The following CMTM4 variants were observed in gnomAD, a reference collection of about 807,000 sequenced individuals.
The protein encoded by CMTM4 is CKLF-like MARVEL transmembrane domain-containing protein 4.
A neutral mutation model predicts 19.0 loss-of-function variants in CMTM4; 8 were observed. The observed-to-expected ratio is 0.42, with a 90% CI of 0.25 to 0.76. CMTM4 has a LOEUF of 0.76. Ranked by LOEUF, CMTM4 falls within the 30% of genes least tolerant of loss-of-function variation. CMTM4 has a pLI of 0.27. For missense variants in CMTM4, 228 were observed against 290.2 expected, an observed-to-expected ratio of 0.79 and a Z score of 1.56; for synonymous variants, 106 against 121.1, an observed-to-expected ratio of 0.88 and a Z score of 0.82.
At chr16:66,683,127 G>A (rs1240122349) in intron 1 of CMTM4, among the ~76,000 whole-genome samples, 14 of 128,254 alleles carry the variant, frequency 1.1e-4, no homozygotes, top group South Asian at 1.0e-3. Flanking sequence ...GTGTGTGTGT[G>A]TGTATATATA....
chr16:66,635,220 C>G (rs1442738053), intron 2 of CMTM4, among the ~76,000 whole-genome samples: 1 of 152,198 alleles, frequency 6.6e-6, no homozygotes, highest in African/African-American at 2.4e-5. Context: ...GTCACAAAAA[C>G]TCAGACAAAA....
At chr16:66,653,065 C>A (rs550148082) in intron 1 of CMTM4, among the ~76,000 whole-genome samples, 3 of 152,294 alleles carry the variant, frequency 2.0e-5, no homozygotes, top group Non-Finnish European at 4.4e-5. Flanking sequence ...ATGGTCCTAG[C>A]TTCATAGATG....
At position 66,619,362 on chromosome 16, in the gene CMTM4, C is replaced by T. The variant is rs1411332297; in HGVS notation, c.*2696G>A. ...CAGCTGTACAGTGTCCAGGAAAAAA[C>T]CCAAATGCACACAGCAACTGCAGTT... On this transcript the variant is annotated 3_prime_UTR_variant, in exon 4 of 4. Coordinates refer to ENST00000394106, the MANE Select transcript of CMTM4 (RefSeq NM_181521.3). The T allele has an allele frequency of 1.0e-6, 1 of 985,266 alleles. No individual in the cohort carries two copies. The highest frequency in any genetic ancestry group is 1.2e-6 in the Non-Finnish European group (1 of 829,930). 61.0% of individuals were successfully genotyped at this position (985,266 alleles called of 1,614,324 possible).
At chr16:66,640,618 G>C (rs1047818868) in intron 1 of CMTM4, among the ~76,000 whole-genome samples, 3 of 152,222 alleles carry the variant, frequency 2.0e-5, no homozygotes, top group African/African-American at 7.2e-5. Context: ...GCGGAGAACA[G>C]ACTACAGTGA....
Position 66,621,975 on chromosome 16 carries a change from T to C in CMTM4, c.*83A>G. On this transcript the variant is annotated 3_prime_UTR_variant, in exon 4 of 4. Coordinates refer to ENST00000394106, the MANE Select transcript of CMTM4 (RefSeq NM_181521.3). ...GAGGACAAAATTCAACTGAATCACA[T>C]GGAAATCTGACAGGACAAGGGAAAG... 1.3e-6 allele frequency: 2 copies of C among 1,483,730 alleles called. No homozygotes were observed. Among genetic ancestry groups the C allele is most frequent in the Non-Finnish European group, 9.0e-7 (1 of 1,111,388 alleles). The allele number at this position is 1,483,730 out of a possible 1,614,324, so 91.9% of individuals were successfully genotyped here.
At chr16:66,649,287 T>C (rs2016265196) in intron 1 of CMTM4, among the ~76,000 whole-genome samples, 2 of 152,182 alleles carry the variant, frequency 1.3e-5, no homozygotes, top group Admixed American at 6.5e-5. Context: ...TCCATTTTTT[T>C]TTTAAAGTAG....
intron 1 of CMTM4, among the ~76,000 whole-genome samples, chr16:66,682,127 T>C (rs1160173342): frequency 2.0e-5 from 3 of 152,184 alleles, no homozygotes; most frequent in Non-Finnish European, 4.4e-5. Flanking sequence ...GAGATTTTTG[T>C]CTTATTTCTA....
chr16:66,654,941 C>T (rs1802488101), intron 1 of CMTM4, among the ~76,000 whole-genome samples: 1 of 152,224 alleles, frequency 6.6e-6, no homozygotes, highest in South Asian at 2.1e-4. Context: ...AGCTCCAGTC[C>T]AGTAAAGAAA....
At chr16:66,609,463 T>C in the CMTM4 span, 1 of 1,612,974 alleles carries the variant, frequency 6.2e-7, no homozygotes, top group Non-Finnish European at 8.5e-7. This position sits in a 1 kb window ranked among gnomAD's most constrained non-coding sequence, Gnocchi z 4.4. Flanking sequence ...ACCGCGGCCC[T>C]CATCTACTTT....
At chr16:66,631,303 G>A (rs1288646141) in intron 2 of CMTM4, among the ~76,000 whole-genome samples, 3 of 150,676 alleles carry the variant, frequency 2.0e-5, no homozygotes, top group Non-Finnish European at 4.4e-5. Context: ...GGTCCGGGAG[G>A]GAGGTGGGGG....
chr16:66,618,034 C>T lies in CMTM4; in HGVS notation c.*4024G>A, dbSNP rs144747538. On this transcript the variant is annotated 3_prime_UTR_variant, in exon 4 of 4. Transcript: ENST00000394106. ...TCCTCCCTTATCTCCCAGACCTGGC[C>T]GTGTGTGGACCTCACCAGCCTACCA... 284 of 985,566 alleles carry T rather than the reference C, an allele frequency of 2.9e-4. No homozygotes were observed. Among genetic ancestry groups the T allele is most frequent in the African/African-American group, 2.9e-3 (164 of 57,338 alleles). The allele number at this position is 985,566 out of a possible 1,614,324, so 61.1% of individuals were successfully genotyped here. A position where few individuals can be genotyped will look rare whatever the true frequency, so the allele number is the denominator to read the frequency against.
chr16:66,606,474 G>A, the CMTM4 span, among the ~76,000 whole-genome samples: 4 of 152,106 alleles, frequency 2.6e-5, no homozygotes, highest in Admixed American at 6.5e-5. Context: ...CTGCACCCAA[G>A]GCCATGTGCA....
intron 1 of CMTM4, among the ~76,000 whole-genome samples, chr16:66,648,784 C>T (rs2016254340): frequency 6.6e-6 from 1 of 152,058 alleles, no homozygotes; most frequent in Non-Finnish European, 1.5e-5. Context: ...CCAGCCTGGC[C>T]AACATGGTGA....
rs1002061968 is a variant in CMTM4 at position 66,675,087 on chromosome 16, A to AT, written c.186+21252dup. ...TTTACTTAAAAAAATTTTTTTTTTA[A>AT]TTTTTTTTTTTGAGACAGAGTCTCA... On this transcript the variant is annotated intron_variant, in intron 1 of 3. Coordinates refer to ENST00000394106, the MANE Select transcript of CMTM4 (RefSeq NM_181521.3). Among the ~76,000 whole-genome samples the AT allele has an allele frequency of 3.9e-3, 536 of 137,450 alleles. 1 individual carries two copies. Among genetic ancestry groups the AT allele is most frequent in the African/African-American group, 0.011 (413 of 37,096 alleles). The allele number at this position is 137,450 out of a possible 152,430, so 90.2% of individuals were successfully genotyped here.
At chr16:66,637,620 T>TA (rs1235127366) in intron 1 of CMTM4, among the ~76,000 whole-genome samples, 1 of 152,196 alleles carries the variant, frequency 6.6e-6, no homozygotes, top group African/African-American at 2.4e-5. Flanking sequence ...TCATAGATCA[T>TA]AAAATCAAAT....
chr16:66,677,805 G>T (rs2016835006), intron 1 of CMTM4, among the ~76,000 whole-genome samples: 1 of 151,992 alleles, frequency 6.6e-6, no homozygotes, highest in African/African-American at 2.4e-5. Flanking sequence ...GGGTTCAAGT[G>T]ATTCTCCTGT....
At position 66,620,220 on chromosome 16, in the gene CMTM4, A is replaced by C; in HGVS notation, c.*1838T>G. 1.0e-6 allele frequency: 1 copy of C among 985,484 alleles called. No homozygotes were observed. Among genetic ancestry groups the C allele is most frequent in the Non-Finnish European group, 1.2e-6 (1 of 829,950 alleles). 61.0% of individuals were successfully genotyped at this position (985,484 alleles called of 1,614,324 possible). On this transcript the variant is annotated 3_prime_UTR_variant, in exon 4 of 4. Transcript: ENST00000394106. ...TGAGCCTTTGTGGCCCTATTTTAAA[A>C]GGAACTCTCAAAGAGAGATAAGCCC...
At chr16:66,682,874 C>T (rs1434516605) in intron 1 of CMTM4, among the ~76,000 whole-genome samples, 1 of 151,958 alleles carries the variant, frequency 6.6e-6, no homozygotes, top group Non-Finnish European at 1.5e-5. Flanking sequence ...AAGCAGACAA[C>T]TTCAATAATA....
At chr16:66,647,860 G>C (rs1012592373) in intron 1 of CMTM4, among the ~76,000 whole-genome samples, 16 of 152,150 alleles carry the variant, frequency 1.1e-4, no homozygotes, top group African/African-American at 3.9e-4. Flanking sequence ...TTACTCATTA[G>C]ACATCTGTGT....
Sources: allele counts gnomAD v4.1 joint callset (sites outside exome capture counted in the v4.1 genomes callset), GRCh38; gene constraint gnomAD v4.1.1; non-coding constraint Gnocchi (gnomAD v3.1); transcripts MANE v1.5; gene names NCBI Gene and HGNC (gene_info 2026-07-23, HGNC 2026-07-21).